Variants in ARL15 observed in about 807,000 individuals in gnomAD.
ARL15 encodes the protein ARF like GTPase 15, also known as ADP-ribosylation factor-like protein 15.
ARL15 carries 19 observed loss-of-function variants against 25.2 expected under a neutral mutation model. The observed-to-expected ratio is 0.75, with a 90% CI of 0.53 to 1.10. ARL15 has a LOEUF of 1.10. ARL15 is among the 50% of genes least tolerant of loss of function. The pLI, the probability that ARL15 is intolerant of heterozygous loss-of-function variation, is 0.00. For synonymous variants in ARL15, 94 were observed against 86.8 expected (o/e 1.08, Z -0.46); for missense variants, 220 against 246.0 (o/e 0.89, Z 0.71).
intron 4 of ARL15, among the ~76,000 whole-genome samples, chr5:53,969,178 G>A (rs1054601518): frequency 2.6e-5 from 4 of 152,008 alleles, no homozygotes; most frequent in African/African-American, 9.7e-5. Context: ...ACAACAACAA[G>A]AAGAAAAGGC....
At chr5:54,155,020 C>T (rs1285867466) in intron 2 of ARL15, among the ~76,000 whole-genome samples, 1 of 152,126 alleles carries the variant, frequency 6.6e-6, no homozygotes, top group Non-Finnish European at 1.5e-5. Flanking sequence ...ACTCGGGAGG[C>T]TGAGGCAGGA....
chr5:54,276,910 A>G (rs1757943473), intron 1 of ARL15, among the ~76,000 whole-genome samples: 1 of 152,240 alleles, frequency 6.6e-6, no homozygotes, highest in Admixed American at 6.5e-5. Context: ...AACGTCCAGA[A>G]AGAACACAGC....
intron 3 of ARL15, among the ~76,000 whole-genome samples, chr5:54,124,112 T>C (rs1232930167): frequency 6.6e-6 from 1 of 152,204 alleles, no homozygotes; most frequent in Non-Finnish European, 1.5e-5. Context: ...TTAAAGACTA[T>C]ATTTGCCTGA....
chr5:54,104,092 T>C (rs1387163826), intron 4 of ARL15, among the ~76,000 whole-genome samples: 1 of 152,170 alleles, frequency 6.6e-6, no homozygotes, highest in Non-Finnish European at 1.5e-5. Context: ...CTCTTCCCGT[T>C]CCCCTCTTTC....
chr5:54,287,937 T>C (rs1242002371), intron 1 of ARL15, among the ~76,000 whole-genome samples: 3 of 152,076 alleles, frequency 2.0e-5, no homozygotes, highest in African/African-American at 7.2e-5. Context: ...AGTTGAAAAA[T>C]ACTGAAAAGA....
At chr5:54,033,027 TA>T (rs774182868) in intron 4 of ARL15, among the ~76,000 whole-genome samples, 2,345 of 140,490 alleles carry the variant, frequency 0.017, 30 homozygotes, top group African/African-American at 0.034. Flanking sequence ...TATATAAGGT[TA>T]AAAAAAAAAA....
chr5:54,188,761 G>A (rs1426082049), intron 1 of ARL15, among the ~76,000 whole-genome samples: 1 of 152,042 alleles, frequency 6.6e-6, no homozygotes, highest in Non-Finnish European at 1.5e-5. Context: ...ACATAATCTG[G>A]GGGCATTCCA....
intron 1 of ARL15, among the ~76,000 whole-genome samples, chr5:54,230,271 G>A (rs2897654): frequency 0.11 from 16,419 of 150,206 alleles, 1,603 homozygotes; most frequent in African/African-American, 0.26. Flanking sequence ...CGCTTGAACC[G>A]GCAGGCGGAG....
chr5:53,922,100 G>T lies in ARL15; in HGVS notation c.463-35387C>A, dbSNP rs77398809. Among the ~76,000 whole-genome samples, 418 of 152,236 alleles carry T rather than the reference G, an allele frequency of 2.7e-3. 2 individuals are homozygous for T. Among genetic ancestry groups the T allele is most frequent in the African/African-American group, 9.6e-3 (399 of 41,528 alleles). On this transcript the variant is annotated intron_variant, in intron 4 of 4. Transcript: ENST00000504924. ...CTTGTAGTGTAGCACCATGTGTTTT[G>T]TCAGTTAATTACTGACCCTCAGCTG... is the stretch of plus-strand genomic sequence containing the variant.
chr5:53,924,224 T>A (rs1376887153), intron 4 of ARL15, among the ~76,000 whole-genome samples: 2 of 152,212 alleles, frequency 1.3e-5, no homozygotes, highest in African/African-American at 4.8e-5. Context: ...CCATTACGTC[T>A]CCTTAGCTTT....
chr5:53,915,333 A>C (rs2111993966), intron 4 of ARL15, among the ~76,000 whole-genome samples: 1 of 152,352 alleles, frequency 6.6e-6, no homozygotes, highest in South Asian at 2.1e-4. Context: ...AAGATAACCA[A>C]GACCTGATAC....
At chr5:54,275,963 A>C (rs778999745) in intron 1 of ARL15, among the ~76,000 whole-genome samples, 3 of 151,614 alleles carry the variant, frequency 2.0e-5, no homozygotes, top group Non-Finnish European at 4.4e-5. Context: ...AAAGAGAGAC[A>C]GATTCTTGCT....
chr5:54,275,209 T>G (rs983970580), intron 1 of ARL15, among the ~76,000 whole-genome samples: 3 of 152,212 alleles, frequency 2.0e-5, no homozygotes, highest in African/African-American at 7.2e-5. Flanking sequence ...GCCTACACAC[T>G]GTCTTTGAGG....
intron 4 of ARL15, among the ~76,000 whole-genome samples, chr5:53,968,212 T>G (rs1279037201): frequency 6.6e-6 from 1 of 152,202 alleles, no homozygotes; most frequent in African/African-American, 2.4e-5. Flanking sequence ...ACAAAACTGG[T>G]TGTCTAAATA....
At chr5:54,285,936 G>A (rs150838835) in intron 1 of ARL15, among the ~76,000 whole-genome samples, 36 of 152,228 alleles carry the variant, frequency 2.4e-4, no homozygotes, top group African/African-American at 8.2e-4. Flanking sequence ...AGTAAAGGTC[G>A]CGTCTGTCAA....
At chr5:54,278,405 C>A (rs369111902) in intron 1 of ARL15, among the ~76,000 whole-genome samples, 1 of 152,202 alleles carries the variant, frequency 6.6e-6, no homozygotes, top group Non-Finnish European at 1.5e-5. Context: ...TACGTCCCCT[C>A]CTTCCTCCTG....
chr5:53,887,883 A>G (rs1744587133), intron 4 of ARL15, among the ~76,000 whole-genome samples: 3 of 152,200 alleles, frequency 2.0e-5, no homozygotes, highest in African/African-American at 7.2e-5. Flanking sequence ...CTGTTTGTTG[A>G]CAGTAGAGAT....
At chr5:54,105,973 A>G (rs1186911355) in intron 4 of ARL15, among the ~76,000 whole-genome samples, 2 of 152,210 alleles carry the variant, frequency 1.3e-5, no homozygotes, top group East Asian at 1.9e-4. Flanking sequence ...AGCAAACAAC[A>G]TAAGTTCTAT....
At chr5:54,248,410 T>G (rs1367396079) in intron 1 of ARL15, among the ~76,000 whole-genome samples, 2 of 152,204 alleles carry the variant, frequency 1.3e-5, no homozygotes, top group African/African-American at 4.8e-5. Flanking sequence ...GTTCACTTAC[T>G]AACCAAGGTT....
Sources: gnomAD v4.1 joint callset for allele counts (sites outside exome capture counted in the v4.1 genomes callset) on GRCh38, gnomAD v4.1.1 for gene constraint, MANE v1.5 for transcripts, NCBI Gene and HGNC (gene_info 2026-07-23, HGNC 2026-07-21) for gene names.